The following PRRC1 variants were observed in gnomAD, a reference collection of about 807,000 sequenced individuals.
PRRC1 encodes protein PRRC1.
A neutral mutation model predicts 40.7 loss-of-function variants in PRRC1; 39 were observed. The ratio of observed to expected loss-of-function variants is 0.96; its 90% CI spans 0.74 to 1.25. The LOEUF (loss-of-function observed/expected upper bound fraction) is 1.25, where lower values mean the gene tolerates loss of function less well. PRRC1 is among the 50% of genes most tolerant of loss of function. PRRC1 has a pLI of 0.00. For missense variants in PRRC1, 573 were observed against 548.3 expected, an observed-to-expected ratio of 1.05 and a Z score of -0.45; for synonymous variants, 175 against 193.3, an observed-to-expected ratio of 0.91 and a Z score of 0.79.
chr5:127,533,490 T>C, intron 5 of PRRC1, 133 bp from the exon 6 acceptor site: 1 of 793,508 alleles, frequency 1.3e-6, no homozygotes, highest in Non-Finnish European at 1.9e-6. Flanking sequence ...AAAAAGATAA[T>C]GATCTATATC....
rs757241481 is a variant in PRRC1, at chr5:127,539,059, A to G, written c.941A>G (p.Asp314Gly). The change falls in exon 7 of 9, where the codon GAT (aspartate) becomes GGT (glycine). Residue 314 changes from aspartate to glycine, a missense_variant. By Grantham distance (94) the Asp-to-Gly change is moderately conservative. Transcript: ENST00000296666. ...AGLKGAQERI[D>G]SLRRTGVIHE... is the part of the protein sequence containing the mutation. ...GTTTAGGGTGCTCAGGAACGGATAG[A>G]TAGCTTGCGTCGAACTGGGGTGATC... 6 of 1,612,872 alleles carry G rather than the reference A, an allele frequency of 3.7e-6. No homozygotes were observed. The highest frequency in any genetic ancestry group is 1.1e-5 in the South Asian group (1 of 91,058).
At chr5:127,524,426 T>C in intron 2 of PRRC1, 105 bp from the exon 3 acceptor site, 6 of 1,066,928 alleles carry the variant, frequency 5.6e-6, no homozygotes, top group Non-Finnish European at 8.2e-6. Context: ...TGGGATATGC[T>C]TTGGTAAGTT....
chr5:127,524,884 C>A lies in PRRC1; in HGVS notation c.457C>A (p.Pro153Thr). ...RGHAGRAPQTPLMPSFSAPSG... is the reference protein window; with the variant it reads ...RGHAGRAPQTTLMPSFSAPSG... ...ACATGCTGGGAGAGCTCCCCAGACA[C>A]CCCTGATGCCATCATTTTCTGCACC... is the stretch of plus-strand genomic sequence containing the variant. Residue 153 changes from proline (P) to threonine (T), a missense_variant, in exon 3 of 9, where the codon CCC becomes ACC. Coordinates refer to ENST00000296666, the MANE Select transcript of PRRC1 (RefSeq NM_130809.5). 6.2e-7 allele frequency: 1 copy of A among 1,609,542 alleles called. No homozygotes were observed. Among genetic ancestry groups the A allele is most frequent in the Non-Finnish European group, 8.5e-7 (1 of 1,176,958 alleles).
rs34252679 is a variant in PRRC1, at chr5:127,530,305, G to A, written c.666G>A (p.Gly222=). Reference sequence around the variant, plus strand: ...TTTGTTTTATGCAGGGTGTGGCTGGGAATCCTATGGTGAAGTCTGTGCTTG... The same window carrying A: ...TTTGTTTTATGCAGGGTGTGGCTGGAAATCCTATGGTGAAGTCTGTGCTTG... ...GIWGFIKGVA[G]NPMVKSVLDK... The change falls in exon 5 of 9, where the codon GGG becomes GGA. Residue 222 remains glycine (G), a synonymous_variant. Coordinates refer to ENST00000296666, the MANE Select transcript of PRRC1 (RefSeq NM_130809.5). The A allele has an allele frequency of 0.024, 38,718 of 1,613,436 alleles. 528 individuals are homozygous for A. The highest frequency in any genetic ancestry group is 0.033 in the Middle Eastern group (202 of 6,062).
Position 127,523,573 on chromosome 5 carries a change from GT to G in PRRC1, c.96del (p.Pro33HisfsTer2). 1 of 1,601,554 alleles carries G rather than the reference GT, an allele frequency of 6.2e-7. No individual in the cohort carries two copies. The highest frequency in any genetic ancestry group is 8.5e-7 in the Non-Finnish European group (1 of 1,172,900). ...LAATAMSSTP[V>X]PLAATSSFSS... Reference sequence around the variant, plus strand: ...TGCTACTGCTATGTCTTCTACCCCTGTTCCATTAGGTACATGTAGTTGTCTA... The same window carrying G: ...TGCTACTGCTATGTCTTCTACCCCTGTCCATTAGGTACATGTAGTTGTCTA... On this transcript the variant is annotated frameshift_variant, in exon 2 of 9. Coordinates refer to ENST00000296666, the MANE Select transcript of PRRC1 (RefSeq NM_130809.5). LOFTEE classifies it high-confidence loss of function.
At chr5:127,523,372 AT>A (rs554141899) in intron 1 of PRRC1, 87 bp from the exon 2 acceptor site, 5,629 of 508,808 alleles carry the variant, frequency 0.011, 1 homozygote, top group South Asian at 0.017. Context: ...TCTCTTGATG[AT>A]TTTTTTTTTA....
chr5:127,553,666 T>G lies in PRRC1; in HGVS notation c.*1750T>G, dbSNP rs919894457. On this transcript the variant is annotated 3_prime_UTR_variant, in exon 9 of 9. Transcript: ENST00000296666. ...AATAGTTCTGCTACTTTCCCTCCTATTATAAGGAAATCTTACAGATTCTAA... is the reference window on the plus strand; with the variant it reads ...AATAGTTCTGCTACTTTCCCTCCTAGTATAAGGAAATCTTACAGATTCTAA... The G allele has an allele frequency of 3.4e-6, 5 of 1,461,740 alleles. No homozygotes were observed. Among genetic ancestry groups the G allele is most frequent in the Non-Finnish European group, 4.5e-6 (5 of 1,111,764 alleles). The allele number at this position is 1,461,740 out of a possible 1,614,324, so 90.5% of individuals were successfully genotyped here.
At position 127,551,985 on chromosome 5, in the gene PRRC1, C is replaced by T. The variant is rs779435427; in HGVS notation, c.*69C>T. On this transcript the variant is annotated 3_prime_UTR_variant, in exon 9 of 9. Transcript: ENST00000296666. ...CTTGATGTTAAAGAAGTGGTTGTACCTTCCTAAATCGAATAGTCTAAATGA... is the reference window on the plus strand; with the variant it reads ...CTTGATGTTAAAGAAGTGGTTGTACTTTCCTAAATCGAATAGTCTAAATGA... 1.3e-6 allele frequency: 2 copies of T among 1,595,662 alleles called. No individual in the cohort carries two copies. Among genetic ancestry groups the T allele is most frequent in the Non-Finnish European group, 8.5e-7 (1 of 1,170,042 alleles).
chr5:127,549,071 T>C (rs1198856456), intron 8 of PRRC1: 1 of 152,046 alleles, frequency 6.6e-6, no homozygotes, highest in Non-Finnish European at 1.5e-5. Context: ...CGTTGTTGCC[T>C]TTGATGGTCA....
At chr5:127,525,554 T>G (rs1363091300) in intron 3 of PRRC1, among the ~76,000 whole-genome samples, 1 of 152,216 alleles carries the variant, frequency 6.6e-6, no homozygotes, top group South Asian at 2.1e-4. Flanking sequence ...GAATTGCTGA[T>G]TTACATGGTA....
intron 3 of PRRC1, among the ~76,000 whole-genome samples, chr5:127,526,230 T>C (rs1767609646): frequency 6.6e-6 from 1 of 152,208 alleles, no homozygotes; most frequent in African/African-American, 2.4e-5. Flanking sequence ...ATTTTCTTTC[T>C]GAGTTAACAT....
At chr5:127,548,541 G>A (rs17164824) in intron 8 of PRRC1, 2,097 of 147,042 alleles carry the variant, frequency 0.014, 26 homozygotes, top group East Asian at 0.04. Flanking sequence ...GAATCTCTGT[G>A]CTCTTAAGTG....
At chr5:127,535,967 C>T (rs545292875) in intron 6 of PRRC1, among the ~76,000 whole-genome samples, 4 of 152,204 alleles carry the variant, frequency 2.6e-5, no homozygotes, top group East Asian at 1.9e-4. Flanking sequence ...TACACATATG[C>T]ATACTCACAT....
intron 8 of PRRC1, chr5:127,550,378 G>T (rs909484563): frequency 2.6e-5 from 4 of 151,794 alleles, no homozygotes; most frequent in African/African-American, 9.7e-5. Context: ...TTTAATTTAA[G>T]GTAATGGAAA....
chr5:127,546,666 C>T (rs562143724), intron 7 of PRRC1, among the ~76,000 whole-genome samples: 2 of 152,166 alleles, frequency 1.3e-5, no homozygotes, highest in Non-Finnish European at 2.9e-5. Context: ...AAAAAACTTT[C>T]CTCATACCTT....
intron 6 of PRRC1, among the ~76,000 whole-genome samples, chr5:127,534,381 T>G (rs1028506458): frequency 1.3e-5 from 2 of 152,140 alleles, no homozygotes; most frequent in Non-Finnish European, 2.9e-5. Context: ...CTCCAAGGAG[T>G]TGGCAGCACT....
At chr5:127,546,970 A>G (rs1049748757) in intron 7 of PRRC1, among the ~76,000 whole-genome samples, 1 of 152,136 alleles carries the variant, frequency 6.6e-6, no homozygotes, top group East Asian at 1.9e-4. Context: ...CAGCAAAGTT[A>G]TTTATGTTAC....
chr5:127,541,760 T>A (rs1768052911), intron 7 of PRRC1, among the ~76,000 whole-genome samples: 1 of 152,060 alleles, frequency 6.6e-6, no homozygotes, highest in Middle Eastern at 3.4e-3. Flanking sequence ...TTGATTCTTC[T>A]CTCTTTTTTT....
intron 8 of PRRC1, chr5:127,549,496 A>T (rs1277303531): frequency 6.6e-6 from 1 of 152,232 alleles, no homozygotes; most frequent in East Asian, 1.9e-4. Flanking sequence ...AAAGATTTTG[A>T]TAAGAGTTGA....
Sources: allele counts gnomAD v4.1 joint callset (sites outside exome capture counted in the v4.1 genomes callset), GRCh38; gene constraint gnomAD v4.1.1; transcripts MANE v1.5; gene names NCBI Gene and HGNC (gene_info 2026-07-23, HGNC 2026-07-21).